MYO10: variants seen among roughly 807,000 people sequenced by gnomAD.
MYO10 encodes unconventional myosin-X.
A neutral mutation model predicts 257.3 loss-of-function variants in MYO10; 133 were observed. The ratio of observed to expected loss-of-function variants is 0.52; its 90% CI spans 0.45 to 0.60. The LOEUF is 0.60. MYO10 is among the 20% of genes least tolerant of loss of function. The pLI is 0.00. For synonymous variants in MYO10, 1,104 were observed against 1,028.6 expected (o/e 1.07, Z -1.40); for missense variants, 2,399 against 2,635.7 (o/e 0.91, Z 1.97).
chr5:16,851,301 G>C (rs917095376), intron 2 of MYO10, among the ~76,000 whole-genome samples: 12 of 152,226 alleles, frequency 7.9e-5, no homozygotes, highest in African/African-American at 2.9e-4. Context: ...CAGAGCAGTG[G>C]CCTTAGTAAT....
intron 1 of MYO10, among the ~76,000 whole-genome samples, chr5:16,894,702 A>G (rs1188394532): frequency 6.6e-6 from 1 of 152,204 alleles, no homozygotes; most frequent in Non-Finnish European, 1.5e-5. Flanking sequence ...CTGCAGTCCA[A>G]TGGGGATGAA....
chr5:16,735,935 C>A (rs904837064), intron 19 of MYO10, among the ~76,000 whole-genome samples: 1 of 152,168 alleles, frequency 6.6e-6, no homozygotes, highest in Admixed American at 6.5e-5. Flanking sequence ...TAAATCTCAA[C>A]TGAAGAGTCT....
intron 4 of MYO10, among the ~76,000 whole-genome samples, chr5:16,791,561 CAT>C (rs1491202477): frequency 5.5e-5 from 3 of 54,894 alleles, no homozygotes; most frequent in East Asian, 1.8e-3. Flanking sequence ...CACACACACA[CAT>C]ACACATATGC....
intron 1 of MYO10, among the ~76,000 whole-genome samples, chr5:16,888,211 A>G (rs1744946110): frequency 6.6e-6 from 1 of 152,164 alleles, no homozygotes; most frequent in Non-Finnish European, 1.5e-5. Flanking sequence ...AGGCACTAGG[A>G]AAGAGTGGAC....
intron 3 of MYO10, chr5:16,815,326 A>AT: frequency 1.6e-6 from 1 of 644,328 alleles, no homozygotes; most frequent in South Asian, 1.8e-5. Flanking sequence ...GTTAAGCATA[A>AT]TTTAAGTTAA....
At chr5:16,764,142 TTC>T in intron 12 of MYO10, 106 bp downstream of exon 12, 1 of 1,211,082 alleles carries the variant, frequency 8.3e-7, no homozygotes, top group Non-Finnish European at 1.1e-6. Context: ...GTGAGACTCC[TTC>T]TCAAAAAAAA....
At chr5:16,694,255 T>C in intron 27 of MYO10, 116 bp downstream of exon 27, 1 of 1,491,218 alleles carries the variant, frequency 6.7e-7, no homozygotes, top group South Asian at 1.3e-5. Flanking sequence ...AACTGAACTA[T>C]CAGGACACCT....
chr5:16,890,253 G>C lies in MYO10; in HGVS notation c.22-12546C>G, dbSNP rs140257710. ...CACATAATGTGTTGGCAAGAATGTG[G>C]AGAAACTAGAACCCTCGTGCACTGC... On this transcript the variant is annotated intron_variant, in intron 1 of 40. Transcript: ENST00000513610. Among the ~76,000 whole-genome samples, 1,107 of 151,908 alleles carry C rather than the reference G, an allele frequency of 7.3e-3. 47 individuals are homozygous for C. Among genetic ancestry groups the C allele is most frequent in the African/African-American group, 0.025 (1,034 of 41,192 alleles).
chr5:16,729,325 G>A (rs145686934), intron 19 of MYO10, among the ~76,000 whole-genome samples: 1,578 of 152,246 alleles, frequency 0.01, 29 homozygotes, highest in African/African-American at 0.035. Context: ...AGTCTAAAAC[G>A]TGGATTCAGA....
At chr5:16,680,195 T>C (rs1736925178) in intron 32 of MYO10, 91 bp from the exon 33 acceptor site, 4 of 1,431,072 alleles carry the variant, frequency 2.8e-6, no homozygotes, top group Non-Finnish European at 3.8e-6. Context: ...TCAGTCCCTT[T>C]AATTATTCAA....
intron 1 of MYO10, among the ~76,000 whole-genome samples, chr5:16,908,901 G>A (rs1044954505): frequency 6.6e-6 from 1 of 152,156 alleles, no homozygotes; most frequent in Non-Finnish European, 1.5e-5. Context: ...ACATTTACAT[G>A]AAATATCCAG....
At chr5:16,709,939 G>T (rs1042636711) in intron 21 of MYO10, among the ~76,000 whole-genome samples, 1 of 152,200 alleles carries the variant, frequency 6.6e-6, no homozygotes, top group African/African-American at 2.4e-5. Context: ...TGTCCAGGAG[G>T]TGAAGCCTAA....
intron 2 of MYO10, among the ~76,000 whole-genome samples, chr5:16,851,587 G>C (rs964912753): frequency 1.3e-5 from 2 of 152,138 alleles, no homozygotes; most frequent in Non-Finnish European, 2.9e-5. Context: ...TAGTGCCCAG[G>C]TCATAATGTG....
chr5:16,681,336 G>T lies in MYO10; in HGVS notation c.4357C>A (p.Pro1453Thr). ...GTCTCTTTGAATATCTTCTCATCTGGGGGGACGACAGAGCAGAGGCTGTTG... is the reference window on the plus strand; with the variant it reads ...GTCTCTTTGAATATCTTCTCATCTGTGGGGACGACAGAGCAGAGGCTGTTG... ...VLNSLCSVVP[P>T]DEKIFKETGY... Residue 1453 changes from proline (P) to threonine (T), a missense_variant, in exon 32 of 41, where the codon CCA becomes ACA. Physicochemically the swap from Pro to Thr is conservative, Grantham distance 38. Transcript: ENST00000513610. 2 of 1,612,868 alleles carry T rather than the reference G, an allele frequency of 1.2e-6. No homozygotes were observed. Among genetic ancestry groups the T allele is most frequent in the Admixed American group, 1.7e-5 (1 of 59,712 alleles).
chr5:16,815,738 G>A (rs1742584944), intron 3 of MYO10, among the ~76,000 whole-genome samples: 1 of 152,074 alleles, frequency 6.6e-6, no homozygotes, highest in South Asian at 2.1e-4. Context: ...CCTATGCAGT[G>A]GTATTCTATG....
At position 16,703,009 on chromosome 5, in the gene MYO10, C is replaced by A. The variant is rs747893487; in HGVS notation, c.2426G>T (p.Arg809Ile). The A allele has an allele frequency of 6.4e-7, 1 of 1,552,386 alleles. No individual in the cohort carries two copies. Among genetic ancestry groups the A allele is most frequent in the East Asian group, 2.4e-5 (1 of 40,956 alleles). Reference sequence around the variant, plus strand: ...CTCCCTTTTCTCTGCCAGCAATTGTCTGTAAACTCTCCGAGCAATCTGACC... The same window carrying A: ...CTCCCTTTTCTCTGCCAGCAATTGTATGTAAACTCTCCGAGCAATCTGACC... ...LRGQIARRVY[R>I]QLLAEKREQE... Residue 809 changes from arginine (R) to isoleucine (I), a missense_variant, in exon 23 of 41, where the codon AGA becomes ATA. Coordinates refer to ENST00000513610, the MANE Select transcript of MYO10 (RefSeq NM_012334.3).
intron 1 of MYO10, among the ~76,000 whole-genome samples, chr5:16,880,912 G>C (rs554646286): frequency 6.6e-6 from 1 of 152,296 alleles, no homozygotes; most frequent in African/African-American, 2.4e-5. Context: ...AGTGCCTGAT[G>C]ACTTTTTTCG....
intron 1 of MYO10, among the ~76,000 whole-genome samples, chr5:16,889,777 G>C (rs1263706456): frequency 6.6e-6 from 1 of 151,588 alleles, no homozygotes; most frequent in South Asian, 2.1e-4. Context: ...AGGACAGAAA[G>C]GGCAATAAAA....
intron 19 of MYO10, among the ~76,000 whole-genome samples, chr5:16,721,602 G>C (rs1281703130): frequency 6.6e-6 from 1 of 152,176 alleles, no homozygotes; most frequent in Non-Finnish European, 1.5e-5. Flanking sequence ...CCTGACTGGC[G>C]AGCAAGCTGT....
Sources: gnomAD v4.1 joint callset for allele counts (sites outside exome capture counted in the v4.1 genomes callset) on GRCh38, gnomAD v4.1.1 for gene constraint, MANE v1.5 for transcripts, NCBI Gene and HGNC (gene_info 2026-07-23, HGNC 2026-07-21) for gene names.